Variants in PCCA observed in about 807,000 individuals in gnomAD.
The protein encoded by PCCA is propionyl-CoA carboxylase subunit alpha, also known as propionyl-CoA carboxylase alpha chain, mitochondrial.
Under a neutral mutation model 101.3 loss-of-function variants are expected in PCCA, and 74 were observed. The ratio of observed to expected loss-of-function variants is 0.73; its 90% CI spans 0.61 to 0.89. PCCA has a LOEUF of 0.89. Ranked by LOEUF, PCCA falls within the 40% of genes least tolerant of loss-of-function variation. PCCA has a pLI of 0.00. For synonymous variants in PCCA, 294 were observed against 313.6 expected, an observed-to-expected ratio of 0.94 and a Z score of 0.66; for missense variants, 891 against 907.0, an observed-to-expected ratio of 0.98 and a Z score of 0.23.
chr13:100,371,604 T>A (rs915367376), intron 19 of PCCA, among the ~76,000 whole-genome samples: 1 of 152,028 alleles, frequency 6.6e-6, no homozygotes, highest in African/African-American at 2.4e-5. Flanking sequence ...GAAGGAAATG[T>A]CAGTACTACC....
chr13:100,116,846 C>A (rs2048846422), intron 4 of PCCA, among the ~76,000 whole-genome samples: 1 of 121,164 alleles, frequency 8.3e-6, no homozygotes, highest in South Asian at 3.3e-4. Flanking sequence ...GTTACATATG[C>A]TTCTTTTTGT....
chr13:100,527,484 TGAGA>T (rs973072829), intron 22 of PCCA, 187 bp from the exon 23 acceptor site: 3 of 627,844 alleles, frequency 4.8e-6, no homozygotes, highest in Admixed American at 2.3e-5. Flanking sequence ...GAGGACTTTA[TGAGA>T]GAGAGAATGG....
chr13:100,401,218 TTAAC>T (rs2152854926), intron 19 of PCCA, among the ~76,000 whole-genome samples: 1 of 152,234 alleles, frequency 6.6e-6, no homozygotes, highest in East Asian at 1.9e-4. Context: ...TAAAAACACT[TTAAC>T]TGTTTTTTTG....
At chr13:100,262,951 C>A in intron 10 of PCCA, 120 bp downstream of exon 10, 1 of 628,698 alleles carries the variant, frequency 1.6e-6, no homozygotes, top group Non-Finnish European at 2.8e-6. Context: ...ATCTGTTGTA[C>A]TTTCCGTTAA....
intron 20 of PCCA, 26 bp downstream of exon 20, chr13:100,425,757 A>C: frequency 3.4e-6 from 5 of 1,472,868 alleles, no homozygotes; most frequent in Non-Finnish European, 4.8e-6. Context: ...ATTTCCTTAG[A>C]GGGCCTCCTC....
chr13:100,349,665 A>G (rs1400266403), intron 18 of PCCA, among the ~76,000 whole-genome samples: 1 of 152,216 alleles, frequency 6.6e-6, no homozygotes, highest in Non-Finnish European at 1.5e-5. Flanking sequence ...TATAATATTA[A>G]TGGAAATACT....
intron 21 of PCCA, among the ~76,000 whole-genome samples, chr13:100,500,417 A>C (rs2085583027): frequency 6.6e-6 from 1 of 152,210 alleles, no homozygotes; most frequent in Admixed American, 6.5e-5. Context: ...TGTAATAATA[A>C]CATGTGCATT....
chr13:100,494,615 G>A (rs4772298), intron 21 of PCCA, among the ~76,000 whole-genome samples: 50,276 of 151,400 alleles, frequency 0.33, 8,925 homozygotes, highest in East Asian at 0.57. Flanking sequence ...CCCGGGAGGC[G>A]GAGTTTGCGG....
chr13:100,452,750 CT>C (rs1407664283), intron 21 of PCCA, among the ~76,000 whole-genome samples: 1 of 152,104 alleles, frequency 6.6e-6, no homozygotes, highest in African/African-American at 2.4e-5. Context: ...TGATAAGCTC[CT>C]TGAGTGCAGG....
intron 7 of PCCA, among the ~76,000 whole-genome samples, chr13:100,223,215 T>C (rs1016916540): frequency 6.6e-6 from 1 of 150,666 alleles, no homozygotes; most frequent in Non-Finnish European, 1.5e-5. Context: ...TTCAAAGAGC[T>C]TAAAGCCTTC....
intron 6 of PCCA, among the ~76,000 whole-genome samples, chr13:100,167,410 C>A (rs1194626925): frequency 6.6e-6 from 1 of 151,890 alleles, no homozygotes. Flanking sequence ...ATTAGATGGG[C>A]TTGGTGGCAT....
chr13:100,472,192 T>A (rs571840371), intron 21 of PCCA, among the ~76,000 whole-genome samples: 2 of 152,232 alleles, frequency 1.3e-5, no homozygotes, highest in East Asian at 3.9e-4. Context: ...CCACTCTACA[T>A]TGATTTATTT....
At chr13:100,440,156 T>TTATATGTA in intron 20 of PCCA, among the ~76,000 whole-genome samples, 1 of 92,834 alleles carries the variant, frequency 1.1e-5, no homozygotes, top group Admixed American at 1.5e-4. Flanking sequence ...GAGTATTAAA[T>TTATATGTA]TATATATATA....
chr13:100,133,560 A>G (rs576184707), intron 4 of PCCA, among the ~76,000 whole-genome samples: 1 of 152,188 alleles, frequency 6.6e-6, no homozygotes, highest in Non-Finnish European at 1.5e-5. Context: ...AATTCTCTGT[A>G]AGATTTGCAG....
intron 18 of PCCA, among the ~76,000 whole-genome samples, chr13:100,365,981 A>G (rs2075121344): frequency 6.6e-6 from 1 of 152,218 alleles, no homozygotes; most frequent in Non-Finnish European, 1.5e-5. Context: ...GACAAATCAG[A>G]GAATAAGCAG....
At chr13:100,478,739 G>A (rs532710306) in intron 21 of PCCA, among the ~76,000 whole-genome samples, 53 of 152,238 alleles carry the variant, frequency 3.5e-4, no homozygotes, top group Non-Finnish European at 5.3e-4. Flanking sequence ...ATGAACACTC[G>A]TCCTGGAAAT....
At chr13:100,147,001 G>T (rs2052655351) in intron 4 of PCCA, among the ~76,000 whole-genome samples, 1 of 136,442 alleles carries the variant, frequency 7.3e-6, no homozygotes. Context: ...AAATTATGAG[G>T]TAGAATTCTA....
chr13:100,425,514 A>G (rs2152893701), intron 19 of PCCA, 119 bp from the exon 20 acceptor site: 1 of 738,964 alleles, frequency 1.4e-6, no homozygotes, highest in Non-Finnish European at 2.5e-6. Context: ...AGCAGTAAAC[A>G]TGACAGGTTG....
intron 18 of PCCA, among the ~76,000 whole-genome samples, chr13:100,359,677 T>A (rs940279615): frequency 1.3e-5 from 2 of 152,178 alleles, no homozygotes; most frequent in Non-Finnish European, 2.9e-5. Flanking sequence ...CACACCTTAA[T>A]TGGTTACCTA....
Sources: gnomAD v4.1 joint callset for allele counts (sites outside exome capture counted in the v4.1 genomes callset) on GRCh38, gnomAD v4.1.1 for gene constraint, MANE v1.5 for transcripts, NCBI Gene and HGNC (gene_info 2026-07-23, HGNC 2026-07-21) for gene names.